FXYD6: variants seen among roughly 807,000 people sequenced by gnomAD.
FXYD6 encodes FXYD domain-containing ion transport regulator 6.
A neutral mutation model predicts 16.7 loss-of-function variants in FXYD6; 7 were observed. The observed-to-expected ratio is 0.42, with a 90% CI of 0.24 to 0.79. FXYD6 has a LOEUF of 0.79. Ranked by LOEUF, FXYD6 falls within the 30% of genes least tolerant of loss-of-function variation. The pLI is 0.28. For missense variants in FXYD6, 111 were observed against 116.2 expected, an observed-to-expected ratio of 0.95 and a Z score of 0.21; for synonymous variants, 49 against 43.0, an observed-to-expected ratio of 1.14 and a Z score of -0.54.
chr11:117,868,824 G>A (rs924453689), intron 1 of FXYD6: 1 of 152,130 alleles, frequency 6.6e-6, no homozygotes, highest in Non-Finnish European at 1.5e-5. Flanking sequence ...TCTATTCGTA[G>A]AAAAATAATA....
intron 1 of FXYD6, among the ~76,000 whole-genome samples, chr11:117,868,337 A>G (rs2057055451): frequency 6.6e-6 from 1 of 152,208 alleles, no homozygotes; most frequent in South Asian, 2.1e-4. Flanking sequence ...ACAGCAATGA[A>G]TCATCCTGAT....
intron 1 of FXYD6, among the ~76,000 whole-genome samples, chr11:117,863,349 A>G (rs918675100): frequency 1.2e-4 from 18 of 152,224 alleles, no homozygotes; most frequent in African/African-American, 3.6e-4. Context: ...ACGGAGGGAA[A>G]AAAAACCACA....
At chr11:117,850,185 G>T (rs142698748) in intron 1 of FXYD6, among the ~76,000 whole-genome samples, 1 of 151,634 alleles carries the variant, frequency 6.6e-6, no homozygotes, top group South Asian at 2.1e-4. Flanking sequence ...TTTGAGAGCC[G>T]TTCTCCGGCC....
At chr11:117,876,162 A>T (rs1410052193) in intron 1 of FXYD6, among the ~76,000 whole-genome samples, 1 of 151,772 alleles carries the variant, frequency 6.6e-6, no homozygotes, top group East Asian at 1.9e-4. Flanking sequence ...GTCCACACTC[A>T]CACCCAGCCA....
intron 1 of FXYD6, among the ~76,000 whole-genome samples, chr11:117,847,222 T>C (rs1014812529): frequency 1.8e-4 from 27 of 152,226 alleles, no homozygotes; most frequent in African/African-American, 6.0e-4. Context: ...AATAATCTTG[T>C]TAAACTCCCG....
chr11:117,867,838 GA>G (rs898466362), intron 1 of FXYD6, among the ~76,000 whole-genome samples: 18 of 142,540 alleles, frequency 1.3e-4, no homozygotes, highest in Admixed American at 1.4e-4. Flanking sequence ...AAGAGCTTCA[GA>G]AAAAAAAAAG....
rs369527809 is a variant in FXYD6, at chr11:117,872,817, T to C, written c.-6+3775A>G. Among the ~76,000 whole-genome samples, 26 of 152,190 alleles carry C rather than the reference T, an allele frequency of 1.7e-4. No homozygotes were observed. Among genetic ancestry groups the C allele is most frequent in the African/African-American group, 5.8e-4 (24 of 41,436 alleles). The stretch of plus-strand genomic sequence containing the variant: ...CCCTCCCCGGATTCTGGAGCAGAGA[T>C]GATGCTGCCAAATTGGTTCCATGCT... On this transcript the variant is annotated intron_variant, in intron 1 of 7. Transcript: ENST00000526014. This position sits in a 1 kb window ranked among gnomAD's most constrained non-coding sequence, Gnocchi z 4.9.
At position 117,839,508 on chromosome 11, in the gene FXYD6, T is replaced by C. The variant is rs75026642; in HGVS notation, c.*21+273A>G. The C allele has an allele frequency of 5.4e-4, 243 of 446,742 alleles. 2 individuals are homozygous for C. In the East Asian group the frequency reaches 7.3e-3, roughly 13 times the overall value. The allele number at this position is 446,742 out of a possible 1,614,324, so 27.7% of individuals were successfully genotyped here. ...AACTCTAATTCTCCCATGTTGCACT[T>C]GGGATGACGCCCTATGCACTCGGCC... On this transcript the variant is annotated intron_variant, in intron 7 of 7. Transcript: ENST00000526014.
At position 117,844,058 on chromosome 11, in the gene FXYD6, C is replaced by G. The variant is rs1337788694; in HGVS notation, c.-5-1277G>C. The G allele has an allele frequency of 2.6e-5, 4 of 152,344 alleles. No individual in the cohort carries two copies. In the East Asian group the frequency reaches 7.7e-4, roughly 29 times the overall value. The allele number at this position is 152,344 out of a possible 1,614,324, so 9.4% of individuals were successfully genotyped here. A position where few individuals can be genotyped will look rare whatever the true frequency, so the allele number is the denominator to read the frequency against. ...GGTGAAACTGGCAGTGGCCTGAACCCCTGGACATCCGTCCAGTCCAAGACC... is the reference window on the plus strand; with the variant it reads ...GGTGAAACTGGCAGTGGCCTGAACCGCTGGACATCCGTCCAGTCCAAGACC... On this transcript the variant is annotated intron_variant, in intron 1 of 7. Coordinates refer to ENST00000526014, the MANE Select transcript of FXYD6 (RefSeq NM_022003.4).
At chr11:117,866,532 G>A (rs187191128) in intron 1 of FXYD6, among the ~76,000 whole-genome samples, 4 of 152,288 alleles carry the variant, frequency 2.6e-5, no homozygotes, top group Non-Finnish European at 5.9e-5. Context: ...CTATGACTGA[G>A]GTTGGGGTAA....
intron 1 of FXYD6, among the ~76,000 whole-genome samples, chr11:117,871,194 T>C (rs1183349775): frequency 7.2e-5 from 11 of 152,156 alleles, no homozygotes; most frequent in Non-Finnish European, 1.6e-4. Flanking sequence ...TCTTAGTTTC[T>C]AGACTCTACC....
intron 4 of FXYD6, chr11:117,841,477 G>T (rs2056342041): frequency 3.4e-6 from 2 of 585,300 alleles, no homozygotes; most frequent in African/African-American, 1.9e-5. Context: ...CACATCCCTC[G>T]CACACTAGGG....
chr11:117,870,320 C>A lies in FXYD6; in HGVS notation c.-6+6272G>T, dbSNP rs562394252. Reference sequence around the variant, plus strand: ...ATTGCACAGAAGCCACAGGCTGGGGCCCCAGCAGGCTGCACGCCCCAGCAG... The same window carrying A: ...ATTGCACAGAAGCCACAGGCTGGGGACCCAGCAGGCTGCACGCCCCAGCAG... On this transcript the variant is annotated intron_variant, in intron 1 of 7. Transcript: ENST00000526014. The surrounding 1 kb of genome is among the most constrained non-coding windows in gnomAD (Gnocchi z 4.2). 3.9e-5 allele frequency among the ~76,000 whole-genome samples: 6 copies of A among 152,130 alleles called. No individual in the cohort carries two copies. Among genetic ancestry groups the A allele is most frequent in the Non-Finnish European group, 8.8e-5 (6 of 68,028 alleles).
chr11:117,873,657 G>A (rs1026708869), intron 1 of FXYD6, among the ~76,000 whole-genome samples: 8 of 152,190 alleles, frequency 5.3e-5, no homozygotes, highest in Non-Finnish European at 1.0e-4. Context: ...ATATTGGGGG[G>A]CTGCCTGGCA....
intron 1 of FXYD6, among the ~76,000 whole-genome samples, chr11:117,860,823 T>C (rs1422113332): frequency 6.6e-6 from 1 of 152,230 alleles, no homozygotes; most frequent in Non-Finnish European, 1.5e-5. Flanking sequence ...AATAGTTATA[T>C]AACTCATTCT....
At chr11:117,852,569 G>T (rs1687305398) in intron 1 of FXYD6, among the ~76,000 whole-genome samples, 1 of 151,678 alleles carries the variant, frequency 6.6e-6, no homozygotes, top group African/African-American at 2.4e-5. Flanking sequence ...TCTTCTTTTT[G>T]TGTTTGCTGT....
rs1274006297 is a variant in FXYD6, at chr11:117,840,387, C to T, written c.210-19G>A. The stretch of plus-strand genomic sequence containing the variant: ...TGGGGCCCTGCAGGAGAAAGAGACA[C>T]ACAGCCCCATCAGAGATCTCCAGGG... On this transcript the variant is annotated intron_variant, in intron 5 of 7. Coordinates refer to ENST00000526014, the MANE Select transcript of FXYD6 (RefSeq NM_022003.4). 3.7e-6 allele frequency: 6 copies of T among 1,614,156 alleles called. No homozygotes were observed. The highest frequency in any genetic ancestry group is 4.5e-5 in the East Asian group (2 of 44,868).
chr11:117,844,588 G>T (rs957671222), intron 1 of FXYD6, among the ~76,000 whole-genome samples: 2 of 151,932 alleles, frequency 1.3e-5, no homozygotes, highest in Non-Finnish European at 2.9e-5. Context: ...TCCACCTCCC[G>T]GGTTCAAACG....
At chr11:117,842,184 C>T in intron 2 of FXYD6, 156 bp from the exon 3 acceptor site, 1 of 1,144,258 alleles carries the variant, frequency 8.7e-7, no homozygotes, top group East Asian at 2.5e-5. Context: ...TAGGGCGGGC[C>T]TGCCAGTTAG....
Sources: allele counts gnomAD v4.1 joint callset (sites outside exome capture counted in the v4.1 genomes callset), GRCh38; gene constraint gnomAD v4.1.1; non-coding constraint Gnocchi (gnomAD v3.1); transcripts MANE v1.5; gene names NCBI Gene and HGNC (gene_info 2026-07-23, HGNC 2026-07-21).